The following ACSL5 variants were observed in gnomAD, a reference collection of about 807,000 sequenced individuals.
ACSL5 encodes the protein acyl-CoA synthetase long chain family member 5.
A neutral mutation model predicts 84.9 loss-of-function variants in ACSL5; 50 were observed. The observed-to-expected ratio is 0.59, with a 90% CI of 0.47 to 0.75. ACSL5 has a LOEUF of 0.75. ACSL5 is among the 30% of genes least tolerant of loss of function. ACSL5 has a pLI of 0.00. For missense variants in ACSL5, 775 were observed against 830.4 expected, an observed-to-expected ratio of 0.93 and a Z score of 0.82; for synonymous variants, 280 against 300.7, an observed-to-expected ratio of 0.93 and a Z score of 0.71.
At position 112,404,519 on chromosome 10, in the gene ACSL5, C is replaced by G; in HGVS notation, c.274C>G (p.Pro92Ala). ...QRGLAVSDNG[P>A]CLGYRKPNQP... ...TAATATTATGTTTTTAGACAATGGGCCCTGCTTGGGATATAGAAAACCAAA... is the reference window on the plus strand; with the variant it reads ...TAATATTATGTTTTTAGACAATGGGGCCTGCTTGGGATATAGAAAACCAAA... Residue 92 changes from proline to alanine, a missense_variant, in exon 4 of 21, where the codon CCC (proline) becomes GCC (alanine). Coordinates refer to ENST00000354655, the MANE Select transcript of ACSL5 (RefSeq NM_203379.2). 6.2e-7 allele frequency: 1 copy of G among 1,612,846 alleles called. No individual in the cohort carries two copies. Among genetic ancestry groups the G allele is most frequent in the Non-Finnish European group, 8.5e-7 (1 of 1,178,972 alleles).
intron 9 of ACSL5, 28 bp downstream of exon 9, chr10:112,410,663 A>T: frequency 6.2e-7 from 1 of 1,604,594 alleles, no homozygotes; most frequent in Non-Finnish European, 8.5e-7. Context: ...TGAACCTTAG[A>T]CCCCTGGTCA....
In ACSL5 at chr10:112,425,466, C is replaced by T. The variant is rs187908905; in HGVS notation, c.1722C>T (p.His574=). Residue 574 remains histidine, a synonymous_variant, in exon 18 of 21, where the codon CAC becomes CAT. Coordinates refer to ENST00000354655, the MANE Select transcript of ACSL5 (RefSeq NM_203379.2). ...RSQPVLQIFV[H]GESLRSSLVG... ...AACCAGTGTTACAAATTTTTGTACA[C>T]GGGGAGAGCTTACGGGTAATATATC... 6.1e-5 allele frequency: 99 copies of T among 1,611,218 alleles called. No homozygotes were observed. In the Middle Eastern group the frequency reaches 6.6e-4, roughly 11 times the overall value.
rs557724283 is a variant in ACSL5 at position 112,422,340 on chromosome 10, A to G, written c.1492A>G (p.Thr498Ala). ...NNEGEVCIKG[T>A]NVFKGYLKDP... Reference sequence around the variant, plus strand: ...TGCTGTGCAGGTCTGCATCAAGGGTACAAACGTGTTCAAAGGATACCTGAA... The same window carrying G: ...TGCTGTGCAGGTCTGCATCAAGGGTGCAAACGTGTTCAAAGGATACCTGAA... The change falls in exon 17 of 21, where the codon ACA (threonine) becomes GCA (alanine). Residue 498 changes from threonine (T) to alanine (A), a missense_variant. Physicochemically the swap from Thr to Ala is moderately conservative, Grantham distance 58 (BLOSUM62 0). Transcript: ENST00000354655. 3 of 1,613,934 alleles carry G rather than the reference A, an allele frequency of 1.9e-6. No individual in the cohort carries two copies. Among genetic ancestry groups the G allele is most frequent in the African/African-American group, 1.3e-5 (1 of 74,912 alleles).
intron 1 of ACSL5, among the ~76,000 whole-genome samples, chr10:112,378,186 T>A (rs1343794454): frequency 6.8e-6 from 1 of 146,874 alleles, no homozygotes; most frequent in Non-Finnish European, 1.5e-5. Context: ...CAGTACACAG[T>A]AGGTACTCTT....
At chr10:112,399,616 C>A (rs1843829298) in intron 3 of ACSL5, among the ~76,000 whole-genome samples, 2 of 152,206 alleles carry the variant, frequency 1.3e-5, no homozygotes, top group Non-Finnish European at 2.9e-5. Context: ...TAATGCCTGG[C>A]ACACACACGT....
chr10:112,409,178 A>G (rs761554772), intron 6 of ACSL5: 10 of 242,004 alleles, frequency 4.1e-5, no homozygotes, highest in Non-Finnish European at 6.4e-5. Flanking sequence ...ATTCCCTACT[A>G]TCCTCCTCAA....
chr10:112,381,735 G>A (rs191595176), intron 1 of ACSL5, among the ~76,000 whole-genome samples: 8 of 151,598 alleles, frequency 5.3e-5, no homozygotes, highest in Admixed American at 3.3e-4. Context: ...TTGGGAGGTC[G>A]AGGTGGGTGG....
rs746468416 is a variant in ACSL5 at position 112,394,901 on chromosome 10, CCT to C, written c.-29-16_-29-15del. The C allele has an allele frequency of 1.6e-5, 26 of 1,608,734 alleles. No individual in the cohort carries two copies. Among genetic ancestry groups the C allele is most frequent in the African/African-American group, 2.7e-5 (2 of 74,456 alleles). ...GCCATTTCCTCTAAATTTTCTTTCC[CCT>C]GTTTTTTTTTTAAGGTCTGAATTTC... is the stretch of plus-strand genomic sequence containing the variant. On this transcript the variant is annotated splice_polypyrimidine_tract_variant and intron_variant, in intron 1 of 20. Transcript: ENST00000354655.
In ACSL5 at chr10:112,417,846, G is replaced by A. The variant is rs775465780; in HGVS notation, c.1219G>A (p.Asp407Asn). 3.7e-6 allele frequency: 6 copies of A among 1,613,956 alleles called. No homozygotes were observed. The highest frequency in any genetic ancestry group is 5.1e-6 in the Non-Finnish European group (6 of 1,179,896). Residue 407 changes from aspartate to asparagine, a missense_variant and splice_region_variant, in exon 14 of 21, where the codon GAC (aspartate) becomes AAC (asparagine). Asp to Asn is a conservative substitution (Grantham distance 23). Coordinates refer to ENST00000354655, the MANE Select transcript of ACSL5 (RefSeq NM_203379.2). Reference sequence around the variant, plus strand: ...TATGTCTTTTGTTTCCACTGAACAGGACAGCCTGGGCGGAAGGGTTCGTGT... The same window carrying A: ...TATGTCTTTTGTTTCCACTGAACAGAACAGCCTGGGCGGAAGGGTTCGTGT... ...WDKLIFAKIQDSLGGRVRVIV... is the reference protein window; with the variant it reads ...WDKLIFAKIQNSLGGRVRVIV...
chr10:112,385,266 G>A (rs1391025248), intron 1 of ACSL5, among the ~76,000 whole-genome samples: 2 of 152,120 alleles, frequency 1.3e-5, no homozygotes, highest in African/African-American at 2.4e-5. Context: ...ATCTGCCCCA[G>A]GTCACAAAGA....
chr10:112,412,807 T>G (rs576108990), intron 11 of ACSL5, among the ~76,000 whole-genome samples: 1 of 152,380 alleles, frequency 6.6e-6, no homozygotes, highest in East Asian at 1.9e-4. Flanking sequence ...TAATTGGCAG[T>G]GCTTTCTTAG....
chr10:112,397,250 A>T (rs1589680908), intron 2 of ACSL5, among the ~76,000 whole-genome samples: 1 of 149,638 alleles, frequency 6.7e-6, no homozygotes, highest in Non-Finnish European at 1.5e-5. Context: ...GCTCACTGCA[A>T]CCTCCGCTTC....
At chr10:112,410,741 A>G (rs1285828687) in intron 9 of ACSL5, 106 bp downstream of exon 9, 3 of 1,173,632 alleles carry the variant, frequency 2.6e-6, no homozygotes, top group Non-Finnish European at 3.6e-6. Flanking sequence ...AGAGCCCTAT[A>G]CTTAGGGGCT....
At chr10:112,394,060 A>G (rs1049824492) in intron 1 of ACSL5, among the ~76,000 whole-genome samples, 5 of 152,170 alleles carry the variant, frequency 3.3e-5, no homozygotes, top group African/African-American at 7.2e-5. Flanking sequence ...AGCCAAGGGT[A>G]TGTTCCTAGG....
chr10:112,413,685 A>T (rs1308450513), intron 12 of ACSL5, among the ~76,000 whole-genome samples: 2 of 152,188 alleles, frequency 1.3e-5, no homozygotes, highest in Non-Finnish European at 2.9e-5. Context: ...AGATCACACC[A>T]CTGCACTCCA....
rs577697774 is a variant in ACSL5, at chr10:112,399,327, GATA to G, written c.265+325_265+327del. Among the ~76,000 whole-genome samples the G allele has an allele frequency of 3.0e-4, 45 of 152,286 alleles. No individual in the cohort carries two copies. The South Asian group carries it at 9.1e-3, about 31-fold the overall frequency. ...AAAACTGTTGTTAAAGGGTCAAGGA[GATA>G]ATAATATAGGACAGTATCTTTAACT... On this transcript the variant is annotated intron_variant, in intron 3 of 20. Transcript: ENST00000354655.
intron 14 of ACSL5, among the ~76,000 whole-genome samples, chr10:112,418,223 G>A (rs1045009164): frequency 3.3e-5 from 5 of 152,126 alleles, no homozygotes; most frequent in Non-Finnish European, 7.4e-5. Flanking sequence ...GAATGTAGTT[G>A]ACCCTTGAAC....
chr10:112,409,373 A>C, intron 6 of ACSL5, 134 bp from the exon 7 acceptor site: 4 of 689,542 alleles, frequency 5.8e-6, no homozygotes, highest in East Asian at 5.1e-5. Context: ...GTACATTATA[A>C]ATCTGATTTG....
intron 11 of ACSL5, 25 bp from the exon 12 acceptor site, chr10:112,413,148 C>G: frequency 1.2e-6 from 2 of 1,612,922 alleles, no homozygotes; most frequent in African/African-American, 1.3e-5. Context: ...TGCCTCTAAG[C>G]TCTATAATTT....
Sources: gnomAD v4.1 joint callset for allele counts (sites outside exome capture counted in the v4.1 genomes callset) on GRCh38, gnomAD v4.1.1 for gene constraint, MANE v1.5 for transcripts, NCBI Gene and HGNC (gene_info 2026-07-23, HGNC 2026-07-21) for gene names.